Variants in DMBT1 observed in about 807,000 individuals in gnomAD.
The protein encoded by DMBT1 is deleted in malignant brain tumors 1.
In DMBT1, 198 loss-of-function variants were observed where a neutral mutation model predicts 252.9. The observed-to-expected ratio is 0.78, with a 90% CI of 0.70 to 0.88. DMBT1 has a LOEUF of 0.88. DMBT1 is among the 40% of genes least tolerant of loss of function. DMBT1 has a pLI of 0.00. For missense variants in DMBT1, 2,432 were observed against 2,404.7 expected (o/e 1.01, Z -0.24); for synonymous variants, 990 against 942.7 (o/e 1.05, Z -0.92).
chr10:122,598,064 A>C, intron 25 of DMBT1, 52 bp downstream of exon 25: 1 of 1,611,644 alleles, frequency 6.2e-7, no homozygotes, highest in African/African-American at 1.3e-5. Context: ...CTCTGGACAA[A>C]TGTTTTTTCT....
At chr10:122,623,872 C>G (rs1323492028) in intron 44 of DMBT1, among the ~76,000 whole-genome samples, 1 of 152,226 alleles carries the variant, frequency 6.6e-6, no homozygotes, top group African/African-American at 2.4e-5. Context: ...GGAGGCCTAA[C>G]TCTGCCATTT....
At chr10:122,629,770 A>G (rs544461956) in intron 46 of DMBT1, 70 bp from the exon 47 acceptor site, 4 of 1,553,052 alleles carry the variant, frequency 2.6e-6, no homozygotes, top group African/African-American at 1.4e-5. Context: ...TGATACTTAC[A>G]CAGATGATTC....
Position 122,565,951 on chromosome 10 carries a change from T to C in DMBT1, c.62-16T>C, listed in dbSNP as rs764619289. 4 of 1,613,618 alleles carry C rather than the reference T, an allele frequency of 2.5e-6. No homozygotes were observed. In the South Asian group the frequency reaches 4.4e-5, roughly 18 times the overall value. ...TTCTAAACAGTGTTTCTAAGACGAA[T>C]TTGTGTTCTTTCCAGGTGGGTGGAT... On this transcript the variant is annotated splice_polypyrimidine_tract_variant and intron_variant, in intron 1 of 55. Coordinates refer to ENST00000338354, the MANE Select transcript of DMBT1 (RefSeq NM_001377530.1).
At position 122,624,958 on chromosome 10, in the gene DMBT1, T is replaced by G. The variant is rs79193279; in HGVS notation, c.5609-319T>G. On this transcript the variant is annotated intron_variant, in intron 44 of 55. Coordinates refer to ENST00000338354, the MANE Select transcript of DMBT1 (RefSeq NM_001377530.1). The stretch of plus-strand genomic sequence containing the variant: ...CTGAGCTTCTCTTCAAGATGGCCAG[T>G]TTCTCTGATACCTCAGCAAGGCAAT... Among the ~76,000 whole-genome samples the G allele has an allele frequency of 3.9e-5, 6 of 152,332 alleles. No individual in the cohort carries two copies. In the East Asian group the frequency reaches 9.6e-4, roughly 24 times the overall value.
chr10:122,630,358 C>T lies in DMBT1; in HGVS notation c.5893C>T (p.Leu1965=), dbSNP rs1257822306. 13 of 1,614,008 alleles carry T rather than the reference C, an allele frequency of 8.1e-6. No individual in the cohort carries two copies. The highest frequency in any genetic ancestry group is 1.0e-5 in the Non-Finnish European group (12 of 1,179,894). The change falls in exon 48 of 56, where the codon CTG becomes TTG. Residue 1965 remains leucine (L), a synonymous_variant. Coordinates refer to ENST00000338354, the MANE Select transcript of DMBT1 (RefSeq NM_001377530.1). ...TGATGGATCATTGAATAGCAGTCTC[C>T]TGCTGGGGAAAATCTGTAATGATAC... ...IFDGSLNSSL[L]LGKICNDTRQ...
intron 18 of DMBT1, 50 bp from the exon 19 acceptor site, chr10:122,591,429 T>C (rs2097848193): frequency 6.5e-7 from 1 of 1,548,446 alleles, no homozygotes; most frequent in Non-Finnish European, 8.8e-7. Flanking sequence ...CTTTTGGAGC[T>C]TTTCTCCCTC....
At position 122,592,322 on chromosome 10, in the gene DMBT1, C is replaced by A. The variant is rs1433388780; in HGVS notation, c.2227C>A (p.Gln743Lys). The change falls in exon 20 of 56, where the codon CAG becomes AAG. Residue 743 changes from glutamine (Q) to lysine (K), a missense_variant. Physicochemically the swap from Gln to Lys is moderately conservative, Grantham distance 53. This residue lies in a region of DMBT1 where 1,264 missense variants were observed against 1,082.2 expected (regional missense o/e 1.17). Transcript: ENST00000338354. ...LRLVNGSDRC[Q>K]GRVEVLYRGS... ...GCTGGTGAATGGAAGTGACAGGTGT[C>A]AGGGCCGAGTAGAGGTCCTATACCG... is the stretch of plus-strand genomic sequence containing the variant. The A allele has an allele frequency of 6.3e-7, 1 of 1,587,784 alleles. No individual in the cohort carries two copies. Among genetic ancestry groups the A allele is most frequent in the Non-Finnish European group, 8.6e-7 (1 of 1,165,666 alleles).
Position 122,586,225 on chromosome 10 carries a change from T to A in DMBT1, c.1625T>A (p.Leu542Ter). Residue 542 changes from leucine (L) to a stop codon, truncating the protein, a stop_gained, in exon 16 of 56, where the codon TTG becomes TAG. Transcript: ENST00000338354. LOFTEE classifies it high-confidence loss of function. ...CAGCTGGGCTGTGGCTGGGCCATGT[T>A]GGCCCCAGGAAATGCCCGGTTTGGT... ...CRQLGCGWAM[L>*]APGNARFGQG... is the part of the protein sequence containing the mutation. 1 of 1,589,026 alleles carries A rather than the reference T, an allele frequency of 6.3e-7. No individual in the cohort carries two copies. The highest frequency in any genetic ancestry group is 8.6e-7 in the Non-Finnish European group (1 of 1,166,000).
At position 122,634,393 on chromosome 10, in the gene DMBT1, T is replaced by C. The variant is rs1176574631; in HGVS notation, c.6548+1052T>C. 1.4e-5 allele frequency among the ~76,000 whole-genome samples: 2 copies of C among 138,712 alleles called. 1 individual carries two copies. The highest frequency in any genetic ancestry group is 5.6e-5 in the African/African-American group (2 of 35,740). The allele number at this position is 138,712 out of a possible 152,430, so 91.0% of individuals were successfully genotyped here. ...CTTTCTTTCTTTCTTTCTTTCTTTC[T>C]TTCTTTCTTTTCTTTCTTTCTCTCT... On this transcript the variant is annotated intron_variant, in intron 52 of 55. Coordinates refer to ENST00000338354, the MANE Select transcript of DMBT1 (RefSeq NM_001377530.1).
At chr10:122,639,254 T>A (rs1844056007) in intron 54 of DMBT1, among the ~76,000 whole-genome samples, 1 of 152,226 alleles carries the variant, frequency 6.6e-6, no homozygotes, top group African/African-American at 2.4e-5. Context: ...TGTACAGGGT[T>A]CAATGGAAAG....
chr10:122,642,801 G>T (rs1844800987), intron 55 of DMBT1, among the ~76,000 whole-genome samples: 1 of 152,198 alleles, frequency 6.6e-6, no homozygotes, highest in Non-Finnish European at 1.5e-5. Flanking sequence ...TGACTCATCT[G>T]GTTTACCTGG....
chr10:122,576,317 G>T, intron 6 of DMBT1, 82 bp from the exon 7 acceptor site: 1 of 1,547,780 alleles, frequency 6.5e-7, no homozygotes, highest in South Asian at 1.2e-5. Flanking sequence ...CTGCCTATGG[G>T]GAAGACCCTG....
rs2097846665 is a variant in DMBT1 at position 122,591,172 on chromosome 10, G to T, written c.2138-307G>T. Among the ~76,000 whole-genome samples, 6 of 148,724 alleles carry T rather than the reference G, an allele frequency of 4.0e-5. 1 individual carries two copies. The highest frequency in any genetic ancestry group is 4.0e-4 in the Admixed American group (6 of 14,982). On this transcript the variant is annotated intron_variant, in intron 18 of 55. Transcript: ENST00000338354. ...AACATTTTAGTTTCAAGCGTGAGAG[G>T]CTCAGCATTGGTGTCAGATGTGCCC...
At chr10:122,623,874 C>G (rs1052592821) in intron 44 of DMBT1, among the ~76,000 whole-genome samples, 28 of 152,330 alleles carry the variant, frequency 1.8e-4, no homozygotes, top group African/African-American at 6.0e-4. Flanking sequence ...AGGCCTAACT[C>G]TGCCATTTTT....
In DMBT1 at chr10:122,579,867, T is replaced by G; in HGVS notation, c.969T>G (p.Cys323Trp). 2 of 1,613,832 alleles carry G rather than the reference T, an allele frequency of 1.2e-6. No homozygotes were observed. The highest frequency in any genetic ancestry group is 1.7e-6 in the Non-Finnish European group (2 of 1,179,764). ...ACAATGGCTGGCTCACCCACAACTG[T>G]GGCCATAGTGAAGACGCTGGTGTCA... ...CPHNGWLTHNCGHSEDAGVIC... is the reference protein window; with the variant it reads ...CPHNGWLTHNWGHSEDAGVIC... The change falls in exon 10 of 56, where the codon TGT (cysteine) becomes TGG (tryptophan). Residue 323 changes from cysteine to tryptophan, a missense_variant. Physicochemically the swap from Cys to Trp is radical, Grantham distance 215 (BLOSUM62 -2). Coordinates refer to ENST00000338354, the MANE Select transcript of DMBT1 (RefSeq NM_001377530.1).
intron 46 of DMBT1, among the ~76,000 whole-genome samples, chr10:122,627,777 G>C: frequency 6.6e-6 from 1 of 152,176 alleles, no homozygotes; most frequent in East Asian, 1.9e-4. Flanking sequence ...CATCAAATGG[G>C]AGAACGTATT....
At chr10:122,589,478 G>C (rs2097827326) in intron 17 of DMBT1, among the ~76,000 whole-genome samples, 1 of 148,262 alleles carries the variant, frequency 6.7e-6, no homozygotes, top group Admixed American at 6.7e-5. Flanking sequence ...AGTGAAATAA[G>C]GGTCATGCCT....
chr10:122,593,542 T>A, intron 20 of DMBT1, 27 bp from the exon 21 acceptor site: 1 of 1,586,174 alleles, frequency 6.3e-7, no homozygotes, highest in Non-Finnish European at 8.6e-7. Context: ...ATGTTCCTGA[T>A]CTGACCTTCT....
At chr10:122,630,898 G>GGTTTGTTGTGGGAC in intron 48 of DMBT1, 63 bp from the exon 49 acceptor site, 1 of 1,520,126 alleles carries the variant, frequency 6.6e-7, no homozygotes, top group South Asian at 1.3e-5. Flanking sequence ...TGGCCTTTGA[G>GGTTTGTTGTGGGAC]GTTTGTTGTG....
Sources: allele counts gnomAD v4.1 joint callset (sites outside exome capture counted in the v4.1 genomes callset), GRCh38; gene constraint gnomAD v4.1.1; regional missense constraint gnomAD v4.1.1; transcripts MANE v1.5; gene names NCBI Gene and HGNC (gene_info 2026-07-23, HGNC 2026-07-21).